The following AFAP1 variants were observed in gnomAD, a reference collection of about 807,000 sequenced individuals.
AFAP1 encodes actin filament-associated protein 1.
A neutral mutation model predicts 93.9 loss-of-function variants in AFAP1; 75 were observed. The ratio of observed to expected loss-of-function variants is 0.80; its 90% CI spans 0.66 to 0.97. The LOEUF (loss-of-function observed/expected upper bound fraction) is 0.97. Ranked by LOEUF, AFAP1 falls within the 50% of genes least tolerant of loss-of-function variation. The probability of loss-of-function intolerance (pLI) is 0.00; values close to 1 mark genes in which losing one functional copy is unlikely to be tolerated. For synonymous variants in AFAP1, 517 were observed against 430.7 expected, an observed-to-expected ratio of 1.20 and a Z score of -2.48; for missense variants, 1,201 against 1,050.8, an observed-to-expected ratio of 1.14 and a Z score of -1.98.
At chr4:7,878,315 T>C (rs1717635421) in intron 1 of AFAP1, among the ~76,000 whole-genome samples, 1 of 152,194 alleles carries the variant, frequency 6.6e-6, no homozygotes, top group African/African-American at 2.4e-5. Flanking sequence ...TATTGCTGTT[T>C]CTTACCAGCT....
intron 14 of AFAP1, chr4:7,776,245 GAAT>G (rs1376161003): frequency 2.6e-5 from 4 of 152,124 alleles, no homozygotes; most frequent in Non-Finnish European, 4.4e-5. Context: ...TAATGATTAA[GAAT>G]AAAAACACTG....
intron 11 of AFAP1, 54 bp downstream of exon 11, chr4:7,793,627 G>A: frequency 1.4e-6 from 2 of 1,421,380 alleles, no homozygotes; most frequent in South Asian, 3.6e-5. Context: ...AGCTAAGTTA[G>A]GGAAAAGACA....
intron 1 of AFAP1, among the ~76,000 whole-genome samples, chr4:7,906,586 T>C (rs1158303292): frequency 6.6e-6 from 1 of 152,152 alleles, no homozygotes; most frequent in Non-Finnish European, 1.5e-5. Flanking sequence ...GCTCATTAAG[T>C]TCTCCAAGAC....
intron 8 of AFAP1, among the ~76,000 whole-genome samples, chr4:7,814,776 G>C (rs538374694): frequency 6.6e-6 from 1 of 152,374 alleles, no homozygotes; most frequent in Admixed American, 6.5e-5. Flanking sequence ...GGGGGAGAAA[G>C]AGCACAGGGG....
intron 1 of AFAP1, among the ~76,000 whole-genome samples, chr4:7,879,908 G>C (rs926106994): frequency 3.3e-5 from 5 of 151,992 alleles, no homozygotes; most frequent in Admixed American, 2.6e-4. Context: ...AAATTGATCG[G>C]CCTGCCTCGG....
chr4:7,935,588 G>A (rs971929744), intron 1 of AFAP1, among the ~76,000 whole-genome samples: 8 of 152,208 alleles, frequency 5.3e-5, no homozygotes, highest in African/African-American at 1.9e-4. Context: ...TGACCTTCCA[G>A]TTCCAGGCAG....
At chr4:7,784,913 G>C (rs576755523) in intron 12 of AFAP1, among the ~76,000 whole-genome samples, 1 of 152,306 alleles carries the variant, frequency 6.6e-6, no homozygotes, top group Admixed American at 6.5e-5. Flanking sequence ...TCGGGGAAAA[G>C]AATGGAGAAT....
chr4:7,765,935 G>A (rs1714501669), intron 17 of AFAP1, among the ~76,000 whole-genome samples: 2 of 152,182 alleles, frequency 1.3e-5, no homozygotes, highest in South Asian at 4.1e-4. Context: ...TCTTCTCTGC[G>A]CCCGCCCAGT....
intron 17 of AFAP1, among the ~76,000 whole-genome samples, chr4:7,767,400 T>C (rs547537360): frequency 8.8e-4 from 134 of 152,294 alleles, no homozygotes; most frequent in African/African-American, 2.9e-3. Context: ...AGAAACTAAA[T>C]AGATGAAGTA....
chr4:7,840,276 G>GTGCGTGTGTGTA lies in AFAP1; in HGVS notation c.547-1574_547-1573insTACACACACGCA, dbSNP rs1218642016. Among the ~76,000 whole-genome samples, 7 of 125,594 alleles carry GTGCGTGTGTGTA rather than the reference G, an allele frequency of 5.6e-5. No individual in the cohort carries two copies. The East Asian group carries it at 6.7e-4, about 12-fold the overall frequency. 82.4% of individuals were successfully genotyped at this position (125,594 alleles called of 152,430 possible). A position where few individuals can be genotyped will look rare whatever the true frequency, so the allele number is the denominator to read the frequency against. ...TTGTTTTTGGGATGTGTGTGTGTGT[G>GTGCGTGTGTGTA]TGTGTGTGTGTTCCTGGTTTGTTTT... On this transcript the variant is annotated intron_variant, in intron 5 of 17. Transcript: ENST00000420658.
Position 7,939,580 on chromosome 4 carries a change from C to T in AFAP1, c.-3+76G>A, listed in dbSNP as rs967898258. On this transcript the variant is annotated intron_variant, in intron 1 of 17. Coordinates refer to ENST00000420658, the MANE Select transcript of AFAP1 (RefSeq NM_001134647.2). This position sits in a 1 kb window ranked among gnomAD's most constrained non-coding sequence, Gnocchi z 5.6. ...CACGGACCCCGGACCCTGCGGAGCC[C>T]CGCTCGGAGCTTCCACGCCCGGGGC... is the stretch of plus-strand genomic sequence containing the variant. 7.7e-6 allele frequency: 3 copies of T among 389,812 alleles called. No homozygotes were observed. The highest frequency in any genetic ancestry group is 1.5e-5 in the Non-Finnish European group (3 of 199,770). The allele number at this position is 389,812 out of a possible 1,614,324, so 24.1% of individuals were successfully genotyped here.
Position 7,816,025 on chromosome 4 carries a change from C to T in AFAP1, c.897G>A (p.Lys299=). 3 of 1,612,230 alleles carry T rather than the reference C, an allele frequency of 1.9e-6. No individual in the cohort carries two copies. Among genetic ancestry groups the T allele is most frequent in the Non-Finnish European group, 2.5e-6 (3 of 1,179,402 alleles). ...GGCACAAGCAGAACTCACCTTGCTC[C>T]TTTCCATTACATGTGGTAATTCCAT... is the stretch of plus-strand genomic sequence containing the variant. ...VENGITTCNG[K]EQVKRKKSSK... The change falls in exon 8 of 18, where the codon AAG becomes AAA. Residue 299 remains lysine, a synonymous_variant. Transcript: ENST00000420658.
intron 6 of AFAP1, among the ~76,000 whole-genome samples, chr4:7,821,594 A>G (rs1452648276): frequency 6.6e-6 from 1 of 152,252 alleles, no homozygotes; most frequent in East Asian, 1.9e-4. Context: ...TTACATTCTT[A>G]AAACTGAAAA....
chr4:7,832,806 T>TA (rs1266945350), intron 6 of AFAP1, among the ~76,000 whole-genome samples: 1 of 152,088 alleles, frequency 6.6e-6, no homozygotes, highest in Non-Finnish European at 1.5e-5. Context: ...GGTACTGGTA[T>TA]AAAAATAGGC....
intron 1 of AFAP1, among the ~76,000 whole-genome samples, chr4:7,898,722 G>A (rs1160728366): frequency 1.3e-5 from 2 of 150,098 alleles, no homozygotes; most frequent in Non-Finnish European, 3.0e-5. Flanking sequence ...GGCAACTTAA[G>A]GACGCTCTCA....
chr4:7,797,082 A>C (rs188080496), intron 10 of AFAP1, among the ~76,000 whole-genome samples: 223 of 151,654 alleles, frequency 1.5e-3, no homozygotes, highest in Middle Eastern at 3.4e-3. Flanking sequence ...TAATAATAAT[A>C]ATCTATGAAT....
intron 3 of AFAP1, among the ~76,000 whole-genome samples, chr4:7,863,475 C>T (rs1404773279): frequency 6.6e-6 from 1 of 152,158 alleles, no homozygotes; most frequent in Admixed American, 6.5e-5. Flanking sequence ...ACAGCTCTTT[C>T]CACAGTTTTT....
intron 3 of AFAP1, among the ~76,000 whole-genome samples, chr4:7,858,941 C>A (rs531644678): frequency 6.6e-6 from 1 of 152,204 alleles, no homozygotes; most frequent in Non-Finnish European, 1.5e-5. Flanking sequence ...AAAGGACGTG[C>A]GAATCTCTGG....
In AFAP1 at chr4:7,774,745, T is replaced by A; in HGVS notation, c.2056A>T (p.Asn686Tyr). 1 of 1,614,124 alleles carries A rather than the reference T, an allele frequency of 6.2e-7. No individual in the cohort carries two copies. The highest frequency in any genetic ancestry group is 1.1e-5 in the South Asian group (1 of 91,064). Residue 686 changes from asparagine to tyrosine, a missense_variant, in exon 15 of 18, where the codon AAC (asparagine) becomes TAC (tyrosine). Coordinates refer to ENST00000420658, the MANE Select transcript of AFAP1 (RefSeq NM_001134647.2). ...RKDLRAAIEV[N>Y]AGRKPQAILE... is the part of the protein sequence containing the mutation. The stretch of plus-strand genomic sequence containing the variant: ...TCACCCACACCCTTCATACCGGCGT[T>A]CACTTCAATAGCCGCTCGAAGGTCT...
Sources: gnomAD v4.1 joint callset for allele counts (sites outside exome capture counted in the v4.1 genomes callset) on GRCh38, gnomAD v4.1.1 for gene constraint, Gnocchi (gnomAD v3.1) non-coding constraint, MANE v1.5 for transcripts, NCBI Gene and HGNC (gene_info 2026-07-23, HGNC 2026-07-21) for gene names.